Variants in RORA observed in about 807,000 individuals in gnomAD.
The protein encoded by RORA is nuclear receptor ROR-alpha.
Under a neutral mutation model 69.5 loss-of-function variants are expected in RORA, and 7 were observed. That is an observed-to-expected ratio of 0.10 (90% CI 0.06 to 0.19). The LOEUF (loss-of-function observed/expected upper bound fraction) is 0.19. RORA is among the 10% of genes least tolerant of loss of function. RORA has a pLI of 1.00. For missense variants in RORA, 457 were observed against 663.0 expected, an observed-to-expected ratio of 0.69 and a Z score of 3.41; for synonymous variants, 261 against 240.8, an observed-to-expected ratio of 1.08 and a Z score of -0.78.
chr15:61,133,513 A>C (rs2079210361), intron 1 of RORA, among the ~76,000 whole-genome samples: 1 of 152,202 alleles, frequency 6.6e-6, no homozygotes, highest in Non-Finnish European at 1.5e-5. Flanking sequence ...CGGAGAGTTG[A>C]GGGCTGATGG....
At chr15:61,088,731 C>T (rs937158221) in intron 1 of RORA, among the ~76,000 whole-genome samples, 4 of 152,058 alleles carry the variant, frequency 2.6e-5, no homozygotes, top group Non-Finnish European at 4.4e-5. Flanking sequence ...AACGAAGCCA[C>T]CAGGGAAGAA....
At chr15:61,069,710 T>C (rs2078313631) in intron 1 of RORA, among the ~76,000 whole-genome samples, 1 of 143,508 alleles carries the variant, frequency 7.0e-6, no homozygotes, top group Non-Finnish European at 1.6e-5. Context: ...AAAACAGCAA[T>C]TGCTTGAGGA....
At chr15:60,572,041 G>A (rs964897048) in intron 2 of RORA, among the ~76,000 whole-genome samples, 1 of 152,158 alleles carries the variant, frequency 6.6e-6, no homozygotes, top group African/African-American at 2.4e-5. Context: ...ATGAGGACAG[G>A]GAGGCCTGAT....
chr15:61,190,626 C>G (rs1033566856), intron 1 of RORA, among the ~76,000 whole-genome samples: 2 of 151,818 alleles, frequency 1.3e-5, no homozygotes, highest in African/African-American at 4.8e-5. Flanking sequence ...CTAAGGGAGG[C>G]TATGGGAGGC....
At chr15:61,210,274 T>A (rs1205531090) in intron 1 of RORA, among the ~76,000 whole-genome samples, 1 of 152,232 alleles carries the variant, frequency 6.6e-6, no homozygotes, top group Non-Finnish European at 1.5e-5. Context: ...AGAACTTTTA[T>A]AGCCAGTCTT....
intron 1 of RORA, among the ~76,000 whole-genome samples, chr15:61,208,469 T>G (rs532103661): frequency 3.8e-4 from 58 of 152,290 alleles, no homozygotes; most frequent in Non-Finnish European, 1.8e-4. Flanking sequence ...TGAACTAGAC[T>G]GTGGTGGTGG....
chr15:60,519,729 G>A (rs1173136801), intron 3 of RORA, among the ~76,000 whole-genome samples: 1 of 152,088 alleles, frequency 6.6e-6, no homozygotes, highest in East Asian at 1.9e-4. Flanking sequence ...AGTCACATAA[G>A]AAAATCAGTC....
chr15:60,618,998 ACAG>A (rs1169910465), intron 2 of RORA, among the ~76,000 whole-genome samples: 1 of 152,212 alleles, frequency 6.6e-6, no homozygotes, highest in Non-Finnish European at 1.5e-5. Context: ...AGGTATTCTC[ACAG>A]GGAATACTGG....
At chr15:61,168,744 G>A (rs978874622) in intron 1 of RORA, among the ~76,000 whole-genome samples, 20 of 152,120 alleles carry the variant, frequency 1.3e-4, no homozygotes, top group African/African-American at 4.6e-4. Context: ...CTGGTGGACA[G>A]TATGCTGGGC....
chr15:60,878,170 C>CAAAAA (rs11362081), intron 1 of RORA, among the ~76,000 whole-genome samples: 24 of 69,684 alleles, frequency 3.4e-4, no homozygotes, highest in South Asian at 1.3e-3. Context: ...ACTAAAAATA[C>CAAAAA]AAAAAAAAAA....
At chr15:60,881,508 T>A (rs2073679974) in intron 1 of RORA, among the ~76,000 whole-genome samples, 1 of 152,238 alleles carries the variant, frequency 6.6e-6, no homozygotes, top group Non-Finnish European at 1.5e-5. Context: ...GGCTGGCCAT[T>A]AGAGCTGAGG....
intron 2 of RORA, among the ~76,000 whole-genome samples, chr15:60,542,497 C>G (rs953658421): frequency 1.4e-5 from 2 of 143,934 alleles, no homozygotes. Flanking sequence ...TCACACGGCA[C>G]ACAGGCACAT....
At chr15:60,792,569 C>T (rs1010746059) in intron 1 of RORA, among the ~76,000 whole-genome samples, 4 of 152,198 alleles carry the variant, frequency 2.6e-5, no homozygotes, top group Admixed American at 6.5e-5. Flanking sequence ...CAGAGACCTA[C>T]AGCAGAAACA....
intron 2 of RORA, among the ~76,000 whole-genome samples, chr15:60,542,812 C>T (rs1418165697): frequency 2.0e-5 from 3 of 151,910 alleles, no homozygotes; most frequent in African/African-American, 7.3e-5. Context: ...TGAGAACCTG[C>T]ATGACTGGGC....
At chr15:60,826,865 T>C (rs1264271226) in intron 1 of RORA, among the ~76,000 whole-genome samples, 2 of 151,920 alleles carry the variant, frequency 1.3e-5, no homozygotes, top group African/African-American at 4.8e-5. Context: ...GTCTTCAGGT[T>C]TAGTTCCTAA....
At chr15:61,193,276 T>C (rs569300749) in intron 1 of RORA, among the ~76,000 whole-genome samples, 2 of 152,368 alleles carry the variant, frequency 1.3e-5, no homozygotes, top group African/African-American at 4.8e-5. Flanking sequence ...AGAATCTATA[T>C]GTGTTCCACA....
At chr15:61,221,449 G>C (rs1049019456) in intron 1 of RORA, among the ~76,000 whole-genome samples, 1 of 152,080 alleles carries the variant, frequency 6.6e-6, no homozygotes, top group African/African-American at 2.4e-5. Context: ...AAAAAAGTCA[G>C]ACGATTTTAT....
chr15:60,713,226 T>G (rs1272639530), intron 1 of RORA, among the ~76,000 whole-genome samples: 1 of 152,178 alleles, frequency 6.6e-6, no homozygotes, highest in Admixed American at 6.5e-5. Flanking sequence ...TAGTAGGGTG[T>G]CCGGCTAACC....
intron 2 of RORA, chr15:60,593,143 G>C (rs1379128209): frequency 9.9e-6 from 3 of 304,436 alleles, no homozygotes; most frequent in South Asian, 7.3e-5. Context: ...CCTGGGCGGG[G>C]GAACTCCGCC....
Sources: gnomAD v4.1 joint callset for allele counts (sites outside exome capture counted in the v4.1 genomes callset) on GRCh38, gnomAD v4.1.1 for gene constraint, MANE v1.5 for transcripts, NCBI Gene and HGNC (gene_info 2026-07-23, HGNC 2026-07-21) for gene names.